The following CCNY variants were observed in gnomAD, a reference collection of about 807,000 sequenced individuals.
The protein encoded by CCNY is cyclin-Y.
In CCNY, 19 loss-of-function variants were observed where a neutral mutation model predicts 42.8. That is an observed-to-expected ratio of 0.44 (90% confidence interval 0.31 to 0.65). The LOEUF (loss-of-function observed/expected upper bound fraction) is 0.65. Ranked by LOEUF, CCNY falls within the 30% of genes least tolerant of loss-of-function variation. CCNY has a pLI of 0.07. For synonymous variants in CCNY, 165 were observed against 162.7 expected, an observed-to-expected ratio of 1.01 and a Z score of -0.11; for missense variants, 370 against 437.3, an observed-to-expected ratio of 0.85 and a Z score of 1.37.
At chr10:35,462,130 G>A (rs1282191542) in intron 1 of CCNY, among the ~76,000 whole-genome samples, 3 of 152,162 alleles carry the variant, frequency 2.0e-5, no homozygotes, top group Non-Finnish European at 4.4e-5. Flanking sequence ...GGATTAAATA[G>A]GAATTTTGAT....
chr10:35,308,710 G>A (rs561085928), intron 3 of CCNY, among the ~76,000 whole-genome samples: 96 of 152,290 alleles, frequency 6.3e-4, no homozygotes, highest in African/African-American at 2.0e-3. Flanking sequence ...ATGGGCTACC[G>A]GCAGATAAGA....
chr10:35,427,419 A>G (rs1838294737), intron 1 of CCNY, among the ~76,000 whole-genome samples: 3 of 152,206 alleles, frequency 2.0e-5, no homozygotes, highest in Admixed American at 2.0e-4. Flanking sequence ...AGGTGAGTCT[A>G]ATATGCAGCC....
rs60257114 is a variant in CCNY, at chr10:35,355,678, CAAAAAAA to C, written c.154+18493_154+18499del. On this transcript the variant is annotated intron_variant, in intron 1 of 9. Transcript: ENST00000374704. Reference sequence around the variant, plus strand: ...GGGCAACAGAGCAAGATACTGTCTCCAAAAAAAAAAAAAAAAAAAAAAAAAAAAGAGG... The same window carrying C: ...GGGCAACAGAGCAAGATACTGTCTCCAAAAAAAAAAAAAAAAAAAAAGAGG... 7.3e-4 allele frequency among the ~76,000 whole-genome samples: 42 copies of C among 57,426 alleles called. 1 individual carries two copies. In the South Asian group the frequency reaches 0.01, roughly 14 times the overall value. 37.7% of individuals were successfully genotyped at this position (57,426 alleles called of 152,430 possible). A position where few individuals can be genotyped will look rare whatever the true frequency, so the allele number is the denominator to read the frequency against.
Position 35,483,459 on chromosome 10 carries a change from C to T in CCNY, c.210C>T (p.Leu70=), listed in dbSNP as rs910010012. 2.5e-6 allele frequency: 4 copies of T among 1,606,396 alleles called. No individual in the cohort carries two copies. Among genetic ancestry groups the T allele is most frequent in the Admixed American group, 1.7e-5 (1 of 59,694 alleles). ...ATCCTCGGGCCAGCACAATATTCCTCAGTAAATCTCAGACGGACGGTAGGT... is the reference window on the plus strand; with the variant it reads ...ATCCTCGGGCCAGCACAATATTCCTTAGTAAATCTCAGACGGACGGTAGGT... The part of the protein sequence containing the change: ...SDHPRASTIF[L]SKSQTDVREK... Residue 70 remains leucine (L), a synonymous_variant, in exon 2 of 10, where the codon CTC becomes CTT. Coordinates refer to ENST00000374704, the MANE Select transcript of CCNY (RefSeq NM_145012.6).
intron 3 of CCNY, among the ~76,000 whole-genome samples, chr10:35,328,979 T>C (rs916253584): frequency 9.9e-5 from 15 of 152,210 alleles, no homozygotes; most frequent in Non-Finnish European, 1.8e-4. Flanking sequence ...TAAATGTGTA[T>C]AAATCATAAT....
intron 1 of CCNY, among the ~76,000 whole-genome samples, chr10:35,406,066 C>T (rs1456510705): frequency 1.3e-5 from 2 of 152,002 alleles, no homozygotes; most frequent in Non-Finnish European, 2.9e-5. Context: ...AATTGCACCT[C>T]AGAAATACAT....
rs1365551274 is a variant in CCNY at position 35,491,079 on chromosome 10, G to A, written c.229+7601G>A. Among the ~76,000 whole-genome samples, 8 of 152,294 alleles carry A rather than the reference G, an allele frequency of 5.3e-5. No homozygotes were observed. In the East Asian group the frequency reaches 1.5e-3, roughly 29 times the overall value. On this transcript the variant is annotated intron_variant, in intron 2 of 9. Coordinates refer to ENST00000374704, the MANE Select transcript of CCNY (RefSeq NM_145012.6). ...GGGTACTCAAAAGCCATGAGTAGTT[G>A]AGTGTGCAGACAGGTCCATTTGTGC...
Position 35,405,690 on chromosome 10 carries a change from C to T in CCNY, c.154+68483C>T, listed in dbSNP as rs770714476. On this transcript the variant is annotated intron_variant, in intron 1 of 9. Transcript: ENST00000374704. ...GCCTCCATAATGATTAAGAAGGGGA[C>T]GGATTTACCCTCCACTGTAAGAGTT... 6.6e-5 allele frequency among the ~76,000 whole-genome samples: 10 copies of T among 152,032 alleles called. No homozygotes were observed. In the East Asian group the frequency reaches 7.7e-4, roughly 12 times the overall value.
At chr10:35,404,374 G>A (rs902067538) in intron 1 of CCNY, among the ~76,000 whole-genome samples, 1 of 152,154 alleles carries the variant, frequency 6.6e-6, no homozygotes, top group Non-Finnish European at 1.5e-5. Flanking sequence ...GTTAGGGAGA[G>A]CTAGTGTGGG....
At chr10:35,551,824 A>G (rs1203565378) in intron 7 of CCNY, among the ~76,000 whole-genome samples, 1 of 152,254 alleles carries the variant, frequency 6.6e-6, no homozygotes, top group East Asian at 1.9e-4. Flanking sequence ...TCGCAGTGAT[A>G]TACGACTTCA....
chr10:35,407,968 C>T (rs571015101), intron 1 of CCNY, among the ~76,000 whole-genome samples: 3 of 152,250 alleles, frequency 2.0e-5, no homozygotes, highest in Admixed American at 1.3e-4. Context: ...TTCCCGAGTC[C>T]GTGACTGGCG....
intron 1 of CCNY, among the ~76,000 whole-genome samples, chr10:35,437,041 G>C (rs1196513485): frequency 1.3e-5 from 2 of 152,226 alleles, no homozygotes; most frequent in African/African-American, 4.8e-5. Flanking sequence ...GACAGCAGGG[G>C]AAATGTCAAA....
chr10:35,348,058 A>G (rs958311158), intron 1 of CCNY, among the ~76,000 whole-genome samples: 1 of 152,182 alleles, frequency 6.6e-6, no homozygotes, highest in African/African-American at 2.4e-5. Context: ...TTATTTTTCC[A>G]CAGCCTTTTT....
chr10:35,552,875 A>G, intron 7 of CCNY, 144 bp from the exon 8 acceptor site: 1 of 808,198 alleles, frequency 1.2e-6, no homozygotes, highest in Admixed American at 2.6e-5. Context: ...TCATTGAGTC[A>G]TTTGGCCTTT....
Position 35,336,999 on chromosome 10 carries a change from C to G in CCNY, c.-55C>G, listed in dbSNP as rs1836052538. The G allele has an allele frequency of 5.3e-6, 7 of 1,323,380 alleles. No individual in the cohort carries two copies. Among genetic ancestry groups the G allele is most frequent in the Non-Finnish European group, 6.9e-6 (7 of 1,017,712 alleles). The allele number at this position is 1,323,380 out of a possible 1,614,324, so 82.0% of individuals were successfully genotyped here. On this transcript the variant is annotated 5_prime_UTR_variant, in exon 1 of 10. Transcript: ENST00000374704. ...CCGCGCCCCGCGTCCACCCGCGCCC[C>G]GCTCCCGGGGACTGGGAGAACAGGA...
chr10:35,476,378 G>C (rs918131740), intron 1 of CCNY, among the ~76,000 whole-genome samples: 22 of 151,926 alleles, frequency 1.4e-4, no homozygotes, highest in African/African-American at 4.8e-4. Context: ...TGACCACATA[G>C]TTGGAAGTAA....
intron 8 of CCNY, among the ~76,000 whole-genome samples, chr10:35,561,957 G>T (rs922207978): frequency 3.3e-5 from 5 of 152,192 alleles, no homozygotes; most frequent in African/African-American, 1.2e-4. Context: ...TGGGGCCAAG[G>T]GCCAGCCTTT....
chr10:35,414,521 T>C (rs1350297677), intron 1 of CCNY, among the ~76,000 whole-genome samples: 1 of 152,222 alleles, frequency 6.6e-6, no homozygotes, highest in Non-Finnish European at 1.5e-5. Context: ...ACCTGTGCCC[T>C]ATTCTGTTGC....
chr10:35,331,374 G>A (rs1010262993), intron 3 of CCNY, among the ~76,000 whole-genome samples: 7 of 152,200 alleles, frequency 4.6e-5, no homozygotes, highest in African/African-American at 9.7e-5. Context: ...GGTAGAGTTC[G>A]ACAAGACAGA....
Sources: gnomAD v4.1 joint callset for allele counts (sites outside exome capture counted in the v4.1 genomes callset) on GRCh38, gnomAD v4.1.1 for gene constraint, MANE v1.5 for transcripts, NCBI Gene and HGNC (gene_info 2026-07-23, HGNC 2026-07-21) for gene names.